GOLM2: variants seen among roughly 807,000 people sequenced by gnomAD.
GOLM2 encodes the protein golgi membrane protein 2.
In GOLM2, 26 loss-of-function variants were observed where a neutral mutation model predicts 55.9. That is an observed-to-expected ratio of 0.47 (90% CI 0.34 to 0.65). The LOEUF is 0.65. Ranked by LOEUF, GOLM2 falls within the 30% of genes least tolerant of loss-of-function variation. The probability of loss-of-function intolerance (pLI) is 0.01; values close to 1 mark genes in which losing one functional copy is unlikely to be tolerated. For synonymous variants in GOLM2, 165 were observed against 194.6 expected, an observed-to-expected ratio of 0.85 and a Z score of 1.27; for missense variants, 486 against 531.8, an observed-to-expected ratio of 0.91 and a Z score of 0.85.
In GOLM2 at chr15:44,289,229, A is replaced by G. The variant is rs769450229; in HGVS notation, c.200A>G (p.Asn67Ser). The G allele has an allele frequency of 1.5e-4, 237 of 1,614,170 alleles. No individual in the cohort carries two copies. Among genetic ancestry groups the G allele is most frequent in the Non-Finnish European group, 1.8e-4 (214 of 1,180,024 alleles). ...EVARGRLEKR[N>S]SDLLLLVDTH... ...GCCCGCGGGCGGCTGGAAAAGCGCAATTCGGACCTCTTGCTGTTGGTGGAC... is the reference window on the plus strand; with the variant it reads ...GCCCGCGGGCGGCTGGAAAAGCGCAGTTCGGACCTCTTGCTGTTGGTGGAC... The change falls in exon 1 of 10, where the codon AAT becomes AGT. Residue 67 changes from asparagine (N) to serine (S), a missense_variant. Physicochemically the swap from Asn to Ser is conservative, Grantham distance 46. Transcript: ENST00000299957. The surrounding 1 kb of genome is among the most constrained non-coding windows in gnomAD (Gnocchi z 4.8).
intron 6 of GOLM2, among the ~76,000 whole-genome samples, chr15:44,373,092 A>G (rs2141187229): frequency 6.6e-6 from 1 of 152,348 alleles, no homozygotes. Context: ...TTATCTCCCC[A>G]ACAAGAATGT....
intron 1 of GOLM2, among the ~76,000 whole-genome samples, chr15:44,301,226 A>G (rs889035748): frequency 2.0e-5 from 3 of 152,152 alleles, no homozygotes; most frequent in Non-Finnish European, 4.4e-5. Context: ...GATTACAGGC[A>G]TGAGCCACCA....
intron 8 of GOLM2, among the ~76,000 whole-genome samples, chr15:44,394,354 C>T (rs1038160799): frequency 1.3e-5 from 2 of 152,008 alleles, no homozygotes; most frequent in African/African-American, 2.4e-5. Context: ...TTCATCATTG[C>T]GAACATCATA....
intron 8 of GOLM2, among the ~76,000 whole-genome samples, chr15:44,397,886 A>T (rs2079538119): frequency 6.6e-6 from 1 of 152,210 alleles, no homozygotes; most frequent in Non-Finnish European, 1.5e-5. Context: ...TATAGTTTCC[A>T]GGCTAGGATT....
chr15:44,301,720 T>A (rs1250669000), intron 1 of GOLM2, among the ~76,000 whole-genome samples: 1 of 152,126 alleles, frequency 6.6e-6, no homozygotes, highest in East Asian at 1.9e-4. Context: ...AGATGTAGAA[T>A]GTTGCATATT....
intron 6 of GOLM2, among the ~76,000 whole-genome samples, chr15:44,369,111 ATATAT>A (rs2079310659): frequency 9.4e-6 from 1 of 106,010 alleles, no homozygotes; most frequent in Non-Finnish European, 1.9e-5. Context: ...ATATATATAT[ATATAT>A]ACCCGGCTAC....
At chr15:44,351,383 T>C (rs2079161681) in intron 6 of GOLM2, among the ~76,000 whole-genome samples, 1 of 151,970 alleles carries the variant, frequency 6.6e-6, no homozygotes, top group Non-Finnish European at 1.5e-5. Flanking sequence ...GAGACCATCC[T>C]GGCTAACATG....
chr15:44,331,053 G>A (rs1029936651), intron 3 of GOLM2, among the ~76,000 whole-genome samples: 4 of 151,936 alleles, frequency 2.6e-5, no homozygotes, highest in African/African-American at 7.3e-5. Context: ...TGTTTCTGAC[G>A]CCCAGGCTGG....
chr15:44,361,781 G>A (rs536407414), intron 6 of GOLM2, among the ~76,000 whole-genome samples: 78 of 152,208 alleles, frequency 5.1e-4, no homozygotes, highest in African/African-American at 1.8e-3. Context: ...GCTGAACATC[G>A]ATGCAAAAAT....
At chr15:44,321,894 A>T (rs554282185) in intron 1 of GOLM2, among the ~76,000 whole-genome samples, 1 of 152,062 alleles carries the variant, frequency 6.6e-6, no homozygotes, top group Non-Finnish European at 1.5e-5. Flanking sequence ...TCTGCAAAAA[A>T]ATATATTTTT....
chr15:44,394,646 A>AT (rs2141206288), intron 8 of GOLM2, among the ~76,000 whole-genome samples: 1 of 152,218 alleles, frequency 6.6e-6, no homozygotes, highest in South Asian at 2.1e-4. Context: ...TTTTCCTACA[A>AT]TTGTTTTGTG....
chr15:44,359,215 G>C (rs948229935), intron 6 of GOLM2, among the ~76,000 whole-genome samples: 6 of 151,984 alleles, frequency 3.9e-5, no homozygotes, highest in Admixed American at 6.6e-5. Context: ...GTCAAGAGAA[G>C]ACAAGACTGG....
intron 1 of GOLM2, among the ~76,000 whole-genome samples, chr15:44,316,546 G>A (rs1313623988): frequency 6.6e-6 from 1 of 152,006 alleles, no homozygotes; most frequent in East Asian, 1.9e-4. Context: ...ACGAGGTCAG[G>A]AGTTCCAGAC....
intron 9 of GOLM2, among the ~76,000 whole-genome samples, chr15:44,410,159 C>T (rs1197828064): frequency 6.6e-6 from 1 of 152,110 alleles, no homozygotes; most frequent in Non-Finnish European, 1.5e-5. Flanking sequence ...CAAAGATAGG[C>T]TGGGCGCGGT....
intron 1 of GOLM2, among the ~76,000 whole-genome samples, chr15:44,313,177 A>C (rs2078886102): frequency 6.6e-6 from 1 of 152,002 alleles, no homozygotes; most frequent in Non-Finnish European, 1.5e-5. Context: ...TGAACCCAGT[A>C]GGTGGAGGCT....
At chr15:44,374,745 C>T (rs758867250) in intron 6 of GOLM2, among the ~76,000 whole-genome samples, 9 of 152,150 alleles carry the variant, frequency 5.9e-5, no homozygotes, top group Non-Finnish European at 8.8e-5. Flanking sequence ...TATCACGAGA[C>T]AGCACTATGG....
At chr15:44,377,244 A>C (rs529672569) in intron 6 of GOLM2, among the ~76,000 whole-genome samples, 1 of 152,276 alleles carries the variant, frequency 6.6e-6, no homozygotes, top group East Asian at 1.9e-4. Flanking sequence ...TAGTAGTGCA[A>C]GCCTGTGGTC....
At chr15:44,347,923 C>T (rs1342658734) in intron 6 of GOLM2, among the ~76,000 whole-genome samples, 1 of 152,116 alleles carries the variant, frequency 6.6e-6, no homozygotes, top group Non-Finnish European at 1.5e-5. Context: ...ATTCCAGGCC[C>T]TAGATGCCTA....
chr15:44,299,836 T>TGCCTATA (rs1209039912), intron 1 of GOLM2, among the ~76,000 whole-genome samples: 1 of 145,332 alleles, frequency 6.9e-6, no homozygotes, highest in Non-Finnish European at 1.5e-5. Flanking sequence ...CTAGGTGTAG[T>TGCCTATA]GGCTCATGCC....
Sources: gnomAD v4.1 joint callset for allele counts (sites outside exome capture counted in the v4.1 genomes callset) on GRCh38, gnomAD v4.1.1 for gene constraint, Gnocchi (gnomAD v3.1) non-coding constraint, MANE v1.5 for transcripts, NCBI Gene and HGNC (gene_info 2026-07-23, HGNC 2026-07-21) for gene names.